PTPRM: variants seen among roughly 807,000 people sequenced by gnomAD.
PTPRM encodes the protein receptor-type tyrosine-protein phosphatase mu.
PTPRM carries 47 observed loss-of-function variants against 186.7 expected under a neutral mutation model. The observed-to-expected ratio is 0.25, with a 90% CI of 0.20 to 0.32. The LOEUF (loss-of-function observed/expected upper bound fraction) is 0.32, where lower values mean the gene tolerates loss of function less well. Ranked by LOEUF, PTPRM falls within the 10% of genes least tolerant of loss-of-function variation. PTPRM has a pLI of 1.00. For missense variants in PTPRM, 1,494 were observed against 1,865.0 expected, an observed-to-expected ratio of 0.80 and a Z score of 3.66; for synonymous variants, 668 against 674.9, an observed-to-expected ratio of 0.99 and a Z score of 0.16.
At chr18:7,891,127 A>C (rs1169703309) in intron 3 of PTPRM, among the ~76,000 whole-genome samples, 2 of 151,586 alleles carry the variant, frequency 1.3e-5, no homozygotes, top group African/African-American at 2.4e-5. Flanking sequence ...AAAAAAAAAA[A>C]ACAACAAAAT....
intron 13 of PTPRM, among the ~76,000 whole-genome samples, chr18:8,129,466 T>C (rs889167385): frequency 4.6e-5 from 7 of 152,134 alleles, no homozygotes; most frequent in African/African-American, 1.7e-4. Context: ...TTTAGGAAAT[T>C]ATTACTACAA....
intron 23 of PTPRM, among the ~76,000 whole-genome samples, chr18:8,352,632 CTTTT>C (rs58235619): frequency 7.7e-6 from 1 of 130,460 alleles, no homozygotes; most frequent in Non-Finnish European, 1.6e-5. Flanking sequence ...TTTTTCTTTT[CTTTT>C]TTTTTTTTTT....
At chr18:8,177,888 G>A (rs1258721241) in intron 14 of PTPRM, among the ~76,000 whole-genome samples, 2 of 152,158 alleles carry the variant, frequency 1.3e-5, no homozygotes, top group African/African-American at 4.8e-5. Flanking sequence ...TGAGCTGTTT[G>A]TATGCACAGT....
chr18:7,663,839 C>A (rs2039032307), intron 1 of PTPRM, among the ~76,000 whole-genome samples: 1 of 152,198 alleles, frequency 6.6e-6, no homozygotes, highest in African/African-American at 2.4e-5. Flanking sequence ...GTCATAGGCA[C>A]CTGGGGGTCC....
At chr18:7,737,346 C>G (rs993715948) in intron 1 of PTPRM, among the ~76,000 whole-genome samples, 7 of 149,968 alleles carry the variant, frequency 4.7e-5, no homozygotes, top group African/African-American at 1.7e-4. Context: ...CCACCTGCCT[C>G]GGCCTCCCAA....
At chr18:8,093,793 T>C (rs1298041986) in intron 11 of PTPRM, among the ~76,000 whole-genome samples, 1 of 152,152 alleles carries the variant, frequency 6.6e-6, no homozygotes. Flanking sequence ...TTATAACCAC[T>C]CTAAAAGGAA....
intron 19 of PTPRM, among the ~76,000 whole-genome samples, chr18:8,289,845 A>T (rs1350163014): frequency 6.6e-6 from 1 of 152,048 alleles, no homozygotes; most frequent in Non-Finnish European, 1.5e-5. Context: ...AGATCAGTGA[A>T]TGTTCACATT....
chr18:8,405,506 G>A (rs763580604), intron 32 of PTPRM, among the ~76,000 whole-genome samples: 4 of 152,196 alleles, frequency 2.6e-5, no homozygotes, highest in Non-Finnish European at 4.4e-5. Context: ...AAGACCTGCC[G>A]TCCCCTGAGC....
chr18:7,642,208 C>T (rs978611007), intron 1 of PTPRM, among the ~76,000 whole-genome samples: 11 of 152,240 alleles, frequency 7.2e-5, no homozygotes, highest in African/African-American at 2.6e-4. Context: ...GCTTGTGAGA[C>T]GTGTTTTAGG....
intron 14 of PTPRM, among the ~76,000 whole-genome samples, chr18:8,174,053 G>A (rs940114004): frequency 3.4e-5 from 5 of 147,058 alleles, no homozygotes; most frequent in South Asian, 2.1e-4. Context: ...GCAACAGAGC[G>A]AGACTCTGTC....
At chr18:7,761,792 A>C (rs1006506973) in intron 1 of PTPRM, among the ~76,000 whole-genome samples, 1 of 152,110 alleles carries the variant, frequency 6.6e-6, no homozygotes, top group African/African-American at 2.4e-5. Context: ...CCTGGCACAC[A>C]AGTCCTTAGG....
intron 1 of PTPRM, among the ~76,000 whole-genome samples, chr18:7,662,723 T>C (rs903178838): frequency 3.9e-5 from 6 of 152,186 alleles, no homozygotes; most frequent in African/African-American, 1.4e-4. Context: ...GAATTGTTTG[T>C]AACACAAAGG....
intron 32 of PTPRM, among the ~76,000 whole-genome samples, chr18:8,402,221 A>G (rs576362044): frequency 4.6e-5 from 7 of 152,238 alleles, no homozygotes; most frequent in Non-Finnish European, 7.3e-5. Flanking sequence ...GGGAGGGGAC[A>G]CAACAATTTG....
At chr18:7,914,026 G>A (rs1217087682) in intron 4 of PTPRM, among the ~76,000 whole-genome samples, 1 of 151,982 alleles carries the variant, frequency 6.6e-6, no homozygotes, top group South Asian at 2.1e-4. Context: ...ATTAATTTGT[G>A]TAGTCACACA....
intron 2 of PTPRM, among the ~76,000 whole-genome samples, chr18:7,845,527 A>G (rs2046550637): frequency 6.6e-6 from 1 of 152,208 alleles, no homozygotes; most frequent in Admixed American, 6.5e-5. Context: ...AATATTTTAC[A>G]TTGTAAAAAT....
At chr18:7,711,438 T>A (rs770801376) in intron 1 of PTPRM, among the ~76,000 whole-genome samples, 71 of 151,962 alleles carry the variant, frequency 4.7e-4, no homozygotes, top group Non-Finnish European at 7.2e-4. Flanking sequence ...GCTGCAGGAA[T>A]TTTTTTTCAT....
At chr18:7,932,213 G>A (rs2051531335) in intron 5 of PTPRM, among the ~76,000 whole-genome samples, 1 of 152,172 alleles carries the variant, frequency 6.6e-6, no homozygotes. Flanking sequence ...TCAGGCTAGG[G>A]GTTGAGGTGT....
Position 7,660,591 on chromosome 18 carries a change from T to A in PTPRM, c.73+92700T>A, listed in dbSNP as rs572558802. On this transcript the variant is annotated intron_variant, in intron 1 of 32. Coordinates refer to ENST00000580170, the MANE Select transcript of PTPRM (RefSeq NM_001105244.2). The stretch of plus-strand genomic sequence containing the variant: ...TGGGGCCGGTGGGCCACACTCCTAG[T>A]TGAGATCAGAAGGTATGTCCTGCTC... Among the ~76,000 whole-genome samples the A allele has an allele frequency of 7.2e-5, 11 of 152,222 alleles. No homozygotes were observed. The South Asian group carries it at 2.3e-3, about 32-fold the overall frequency.
chr18:8,157,614 C>A (rs1210750656), intron 14 of PTPRM, among the ~76,000 whole-genome samples: 1 of 152,218 alleles, frequency 6.6e-6, no homozygotes, highest in East Asian at 1.9e-4. Context: ...TAAAATCATT[C>A]TTCAGCCATG....
Sources: gnomAD v4.1 joint callset for allele counts (sites outside exome capture counted in the v4.1 genomes callset) on GRCh38, gnomAD v4.1.1 for gene constraint, MANE v1.5 for transcripts, NCBI Gene and HGNC (gene_info 2026-07-23, HGNC 2026-07-21) for gene names.